FLT1: variants seen among roughly 807,000 people sequenced by gnomAD.
The protein encoded by FLT1 is vascular endothelial growth factor receptor 1.
FLT1 carries 49 observed loss-of-function variants against 156.3 expected under a neutral mutation model. The observed-to-expected ratio is 0.31, with a 90% confidence interval of 0.25 to 0.40. The LOEUF is 0.40. Ranked by LOEUF, FLT1 falls within the 10% of genes least tolerant of loss-of-function variation. FLT1 has a pLI of 1.00. For missense variants in FLT1, 1,322 were observed against 1,637.2 expected, an observed-to-expected ratio of 0.81 and a Z score of 3.32; for synonymous variants, 594 against 583.8, an observed-to-expected ratio of 1.02 and a Z score of -0.25.
intron 13 of FLT1, chr13:28,387,807 T>TAAAA: frequency 1.4e-6 from 1 of 696,634 alleles, no homozygotes; most frequent in Non-Finnish European, 1.6e-6. Context: ...AAAAGTTTCT[T>TAAAA]TAAAAAAAAA....
intron 1 of FLT1, among the ~76,000 whole-genome samples, chr13:28,492,754 G>T (rs1277820116): frequency 1.3e-5 from 2 of 152,192 alleles, no homozygotes; most frequent in Non-Finnish European, 2.9e-5. Context: ...CCCTGATGCG[G>T]TTTGTAAAGT....
chr13:28,354,979 A>G (rs1311322915), intron 15 of FLT1, among the ~76,000 whole-genome samples: 2 of 152,228 alleles, frequency 1.3e-5, no homozygotes, highest in Non-Finnish European at 2.9e-5. Context: ...TCAGAAAAGC[A>G]TAACATTAAT....
intron 14 of FLT1, among the ~76,000 whole-genome samples, chr13:28,379,866 C>G (rs1874001759): frequency 6.6e-6 from 1 of 152,178 alleles, no homozygotes; most frequent in African/African-American, 2.4e-5. Flanking sequence ...GAGGAAAAAG[C>G]TCCAACTACC....
intron 13 of FLT1, chr13:28,387,316 A>T: frequency 9.6e-7 from 1 of 1,046,052 alleles, no homozygotes; most frequent in African/African-American, 1.7e-5. Flanking sequence ...TAAATGACCA[A>T]TCAACCCAAG....
Position 28,339,228 on chromosome 13 carries a change from A to C in FLT1, c.2428T>G (p.Cys810Gly). ...CTGGCATCATAAGGGAGCCGCTCAC[A>C]CTGCTCATCCAAAGGAACTTCATCT... ...DPDEVPLDEQ[C>G]ERLPYDASKW... Residue 810 changes from cysteine (C) to glycine (G), a missense_variant, in exon 17 of 30, where the codon TGT becomes GGT. Physicochemically the swap from Cys to Gly is radical, Grantham distance 159 (BLOSUM62 -3). Coordinates refer to ENST00000282397, the MANE Select transcript of FLT1 (RefSeq NM_002019.4). The C allele has an allele frequency of 6.2e-7, 1 of 1,614,124 alleles. No homozygotes were observed. Among genetic ancestry groups the C allele is most frequent in the Non-Finnish European group, 8.5e-7 (1 of 1,179,956 alleles).
At chr13:28,372,076 A>ATATATATTT (rs1257431752) in intron 14 of FLT1, among the ~76,000 whole-genome samples, 1 of 11,756 alleles carries the variant, frequency 8.5e-5, no homozygotes, top group Non-Finnish European at 1.6e-4. Flanking sequence ...ATATATATAT[A>ATATATATTT]TTTTTTTTTT....
chr13:28,483,443 A>C (rs777132333), intron 1 of FLT1, among the ~76,000 whole-genome samples: 2 of 152,190 alleles, frequency 1.3e-5, no homozygotes, highest in Non-Finnish European at 2.9e-5. Context: ...TTCCATCTAA[A>C]GCATGTATCC....
At chr13:28,370,347 A>G (rs984169081) in intron 14 of FLT1, among the ~76,000 whole-genome samples, 3 of 152,220 alleles carry the variant, frequency 2.0e-5, no homozygotes, top group African/African-American at 7.2e-5. Flanking sequence ...GGATAGCATT[A>G]GGAGATATAC....
At chr13:28,402,652 C>CTTCA (rs1875519094) in intron 11 of FLT1, among the ~76,000 whole-genome samples, 2 of 152,044 alleles carry the variant, frequency 1.3e-5, no homozygotes, top group African/African-American at 4.8e-5. Context: ...TTAACAAAGT[C>CTTCA]TTCATTGTAT....
At chr13:28,358,377 T>C (rs1309966409) in intron 14 of FLT1, among the ~76,000 whole-genome samples, 1 of 152,258 alleles carries the variant, frequency 6.6e-6, no homozygotes, top group Admixed American at 6.5e-5. Context: ...TTGATCTTTC[T>C]AAGTTTCAGT....
intron 1 of FLT1, among the ~76,000 whole-genome samples, chr13:28,474,852 T>G (rs1390620855): frequency 6.6e-6 from 1 of 152,210 alleles, no homozygotes; most frequent in African/African-American, 2.4e-5. Flanking sequence ...TCTCCTATAG[T>G]ATGTGAGATT....
At position 28,322,962 on chromosome 13, in the gene FLT1, A is replaced by AAAGG. The variant is rs749781326; in HGVS notation, c.2797-20_2797-17dup. Reference sequence around the variant, plus strand: ...GTGCTGCATCCTTTGAAGAGACCGAAAAGGACCCAGGTGAAAAGGAGCTCC... The same window carrying AAAGG: ...GTGCTGCATCCTTTGAAGAGACCGAAAAGGAAGGACCCAGGTGAAAAGGAGCTCC... On this transcript the variant is annotated splice_polypyrimidine_tract_variant and intron_variant, in intron 20 of 29. Transcript: ENST00000282397. This position sits in a 1 kb window ranked among gnomAD's most constrained non-coding sequence, Gnocchi z 4.3. The AAAGG allele has an allele frequency of 2.9e-5, 47 of 1,614,002 alleles. No homozygotes were observed. The African/African-American group carries it at 6.0e-4, about 21-fold the overall frequency.
intron 12 of FLT1, chr13:28,396,671 G>A: frequency 2.0e-6 from 1 of 507,564 alleles, no homozygotes; most frequent in South Asian, 2.0e-5. Flanking sequence ...CCCTGTGCTA[G>A]GTACTGAAGG....
intron 1 of FLT1, among the ~76,000 whole-genome samples, chr13:28,477,545 G>A (rs986072105): frequency 1.3e-5 from 2 of 152,314 alleles, no homozygotes. Context: ...GACATAACTC[G>A]TAAAATACTC....
At position 28,389,457 on chromosome 13, in the gene FLT1, G is replaced by A. The variant is rs1252225284; in HGVS notation, c.1969+339C>T. On this transcript the variant is annotated intron_variant, in intron 13 of 29. Transcript: ENST00000282397. Reference sequence around the variant, plus strand: ...TTTATCAGGCAGGAGAAAACAGCAAGAGCAACAAACACAGAGAAGGCAGTG... The same window carrying A: ...TTTATCAGGCAGGAGAAAACAGCAAAAGCAACAAACACAGAGAAGGCAGTG... 3.0e-6 allele frequency: 4 copies of A among 1,313,148 alleles called. No homozygotes were observed. In the Admixed American group the frequency reaches 1.1e-4, roughly 35 times the overall value. The allele number at this position is 1,313,148 out of a possible 1,614,324, so 81.3% of individuals were successfully genotyped here.
intron 14 of FLT1, among the ~76,000 whole-genome samples, chr13:28,379,401 T>C (rs1652189947): frequency 6.6e-6 from 1 of 151,916 alleles, no homozygotes; most frequent in Non-Finnish European, 1.5e-5. Context: ...GAAAGAGAAT[T>C]TTTCAGGCAA....
intron 25 of FLT1, among the ~76,000 whole-genome samples, chr13:28,317,269 TC>T (rs1240266889): frequency 6.6e-6 from 1 of 152,150 alleles, no homozygotes; most frequent in African/African-American, 2.4e-5. Context: ...ATGTCAGTGG[TC>T]AGGACAGGAA....
At chr13:28,441,091 T>A (rs1389199788) in intron 3 of FLT1, among the ~76,000 whole-genome samples, 1 of 152,124 alleles carries the variant, frequency 6.6e-6, no homozygotes, top group Admixed American at 6.5e-5. Context: ...TCTCAGAAGT[T>A]GGGGGAGCAG....
intron 10 of FLT1, among the ~76,000 whole-genome samples, chr13:28,421,898 T>C (rs73453276): frequency 0.017 from 2,648 of 152,290 alleles, 73 homozygotes; most frequent in African/African-American, 0.06. Context: ...ATTAAAGAAC[T>C]GGCCAAGGTC....
Sources: allele counts gnomAD v4.1 joint callset (sites outside exome capture counted in the v4.1 genomes callset), GRCh38; gene constraint gnomAD v4.1.1; non-coding constraint Gnocchi (gnomAD v3.1); transcripts MANE v1.5; gene names NCBI Gene and HGNC (gene_info 2026-07-23, HGNC 2026-07-21).